SPG11: variants seen among roughly 807,000 people sequenced by gnomAD.
SPG11 encodes the protein spatacsin.
SPG11 carries 222 observed loss-of-function variants against 274.0 expected under a neutral mutation model. The observed-to-expected ratio is 0.81, with a 90% CI of 0.73 to 0.91. The LOEUF (loss-of-function observed/expected upper bound fraction) is 0.91. SPG11 is among the 40% of genes least tolerant of loss of function. The pLI, the probability that SPG11 is intolerant of heterozygous loss-of-function variation, is 0.00. For missense variants in SPG11, 3,114 were observed against 2,872.7 expected (o/e 1.08, Z -1.92); for synonymous variants, 1,144 against 1,039.7 (o/e 1.10, Z -1.93).
At chr15:44,646,575 A>C (rs1490772669) in intron 7 of SPG11, among the ~76,000 whole-genome samples, 2 of 152,148 alleles carry the variant, frequency 1.3e-5, no homozygotes, top group Admixed American at 1.3e-4. Flanking sequence ...TTGGGTGGGG[A>C]CACAGAGCCA....
At chr15:44,595,649 T>C (rs1262627035) in intron 25 of SPG11, among the ~76,000 whole-genome samples, 190 bp from the exon 26 acceptor site, 2 of 152,204 alleles carry the variant, frequency 1.3e-5, no homozygotes, top group African/African-American at 4.8e-5. Context: ...TGCAGAGTGT[T>C]GCAGGTCACA....
intron 27 of SPG11, 121 bp downstream of exon 27, chr15:44,592,210 G>A (rs371409510): frequency 1.4e-6 from 1 of 704,654 alleles, no homozygotes. Context: ...AGTGAGCTGT[G>A]ATCGTAACAC....
At position 44,608,605 on chromosome 15, in the gene SPG11, C is replaced by G. The variant is rs751092147; in HGVS notation, c.3292G>C (p.Val1098Leu). The change falls in exon 19 of 40, where the codon GTT becomes CTT. Residue 1098 changes from valine to leucine, a missense_variant and splice_region_variant. Coordinates refer to ENST00000261866, the MANE Select transcript of SPG11 (RefSeq NM_025137.4). ...TTTTCATTTTCTTCATTCTGAACAACCTAAGTAAAAAAACAGATAACAGGT... is the reference window on the plus strand; with the variant it reads ...TTTTCATTTTCTTCATTCTGAACAAGCTAAGTAAAAAAACAGATAACAGGT... Reference protein sequence around the residue: ...TMYSPGGVSQVVQNEENENCL... With the variant: ...TMYSPGGVSQLVQNEENENCL... 6.2e-7 allele frequency: 1 copy of G among 1,613,598 alleles called. No homozygotes were observed.
chr15:44,612,136 G>A (rs1357059466), intron 17 of SPG11, among the ~76,000 whole-genome samples: 1 of 152,098 alleles, frequency 6.6e-6, no homozygotes, highest in Non-Finnish European at 1.5e-5. Context: ...TTAAGAATGT[G>A]GGAAAATTCT....
intron 7 of SPG11, among the ~76,000 whole-genome samples, chr15:44,638,937 A>G (rs992362071): frequency 2.0e-5 from 3 of 151,838 alleles, no homozygotes; most frequent in Non-Finnish European, 4.4e-5. Context: ...TGGAGGTTTC[A>G]GTGAGCCAAG....
At chr15:44,621,527 C>T (rs772029785) in intron 14 of SPG11, 7 of 485,356 alleles carry the variant, frequency 1.4e-5, no homozygotes, top group Middle Eastern at 5.9e-4. Flanking sequence ...AATGAAAACT[C>T]AGCCTTGAAA....
chr15:44,591,078 A>G (rs1411078819), intron 27 of SPG11: 1 of 152,204 alleles, frequency 6.6e-6, no homozygotes, highest in African/African-American at 2.4e-5. Context: ...CCTATGCCCT[A>G]TGTGGTCCTC....
chr15:44,619,570 G>T (rs930917304), intron 15 of SPG11, among the ~76,000 whole-genome samples: 3 of 152,094 alleles, frequency 2.0e-5, no homozygotes, highest in Non-Finnish European at 4.4e-5. Flanking sequence ...AGGATACTAA[G>T]GTATCTCCAT....
rs567604763 is a variant in SPG11, at chr15:44,622,553, T to C, written c.2316+175A>G. 54 of 741,296 alleles carry C rather than the reference T, an allele frequency of 7.3e-5. No homozygotes were observed. In the South Asian group the frequency reaches 9.5e-4, roughly 13 times the overall value. The allele number at this position is 741,296 out of a possible 1,614,324, so 45.9% of individuals were successfully genotyped here. Reference sequence around the variant, plus strand: ...ATTTTCTTTTGCCACAAATGTAAAATAGTCATTGAAGAAAGATGAAGGGGA... The same window carrying C: ...ATTTTCTTTTGCCACAAATGTAAAACAGTCATTGAAGAAAGATGAAGGGGA... On this transcript the variant is annotated intron_variant, in intron 12 of 39. Transcript: ENST00000261866.
intron 18 of SPG11, 21 bp from the exon 19 acceptor site, chr15:44,608,626 C>T (rs753190935): frequency 6.2e-7 from 1 of 1,610,966 alleles, no homozygotes; most frequent in Admixed American, 1.7e-5. Flanking sequence ...AAACAGATAA[C>T]AGGTTGGACA....
At chr15:44,575,206 T>C (rs2082509687) in intron 30 of SPG11, 165 bp from the exon 31 acceptor site, 4 of 777,334 alleles carry the variant, frequency 5.1e-6, no homozygotes, top group African/African-American at 3.5e-5. Flanking sequence ...ACTTCTTTCA[T>C]TGCCCTCTTC....
rs778989117 is a variant in SPG11 at position 44,596,172 on chromosome 15, A to T, written c.4345T>A (p.Ser1449Thr). The T allele has an allele frequency of 2.5e-6, 4 of 1,614,034 alleles. No individual in the cohort carries two copies. Residue 1449 changes from serine (S) to threonine (T), a missense_variant, in exon 25 of 40, where the codon TCA becomes ACA. By Grantham distance (58) the Ser-to-Thr change is moderately conservative (BLOSUM62 1). Coordinates refer to ENST00000261866, the MANE Select transcript of SPG11 (RefSeq NM_025137.4). ...TDLFEILLQC[S>T]EEPDSWHWLL... ...CAGTGCCAGGAGTCTGGCTCCTCTG[A>T]GCATTGGAGCAGAATTTCAAATAAA...
In SPG11 at chr15:44,613,493, G is replaced by A; in HGVS notation, c.3082C>T (p.His1028Tyr). The change falls in exon 17 of 40, where the codon CAT becomes TAT. Residue 1028 changes from histidine (H) to tyrosine (Y), a missense_variant. Physicochemically the swap from His to Tyr is moderately conservative, Grantham distance 83. Coordinates refer to ENST00000261866, the MANE Select transcript of SPG11 (RefSeq NM_025137.4). ...NCPFLEKKEL[H>Y]EAHPWFEFLV... ...AATTCAAACCAAGGGTGTGCTTCAT[G>A]TAACTCTTTTTTTTCCAAAAAGGGA... 1 of 1,613,868 alleles carries A rather than the reference G, an allele frequency of 6.2e-7. No individual in the cohort carries two copies. The highest frequency in any genetic ancestry group is 1.1e-5 in the South Asian group (1 of 91,078).
At chr15:44,608,382 T>C in intron 19 of SPG11, 62 bp downstream of exon 19, 2 of 1,542,592 alleles carry the variant, frequency 1.3e-6, no homozygotes, top group Non-Finnish European at 1.8e-6. Flanking sequence ...AGATCTAGAG[T>C]GATTTCTGTT....
At chr15:44,630,779 C>T (rs751150718) in intron 8 of SPG11, among the ~76,000 whole-genome samples, 7 of 152,078 alleles carry the variant, frequency 4.6e-5, no homozygotes, top group Non-Finnish European at 7.4e-5. Flanking sequence ...GGGGTTTCAC[C>T]ACGTTGGTCA....
intron 8 of SPG11, among the ~76,000 whole-genome samples, chr15:44,632,729 A>G (rs2141053974): frequency 6.6e-6 from 1 of 152,090 alleles, no homozygotes; most frequent in South Asian, 2.1e-4. Context: ...GACTGGTCTC[A>G]AACTCCTAGA....
chr15:44,571,616 G>A (rs2082427660), intron 33 of SPG11, among the ~76,000 whole-genome samples: 1 of 149,636 alleles, frequency 6.7e-6, no homozygotes, highest in South Asian at 2.1e-4. Flanking sequence ...TCCTGCTTCA[G>A]CCTCCCGAGT....
At chr15:44,587,765 T>C (rs1049306431) in intron 28 of SPG11, among the ~76,000 whole-genome samples, 13 of 137,698 alleles carry the variant, frequency 9.4e-5, no homozygotes, top group Admixed American at 1.5e-4. Flanking sequence ...TACGCACACA[T>C]AGTAACACAA....
rs369058599 is a variant in SPG11 at position 44,596,176 on chromosome 15, T to C, written c.4341A>G (p.Gln1447=). The change falls in exon 25 of 40, where the codon CAA becomes CAG. Residue 1447 remains glutamine, a synonymous_variant. Coordinates refer to ENST00000261866, the MANE Select transcript of SPG11 (RefSeq NM_025137.4). ...GCCAGGAGTCTGGCTCCTCTGAGCA[T>C]TGGAGCAGAATTTCAAATAAATCGG... The part of the protein sequence containing the change: ...EMTDLFEILL[Q]CSEEPDSWHW... 10 of 1,614,174 alleles carry C rather than the reference T, an allele frequency of 6.2e-6. 1 individual carries two copies. The highest frequency in any genetic ancestry group is 3.3e-5 in the Admixed American group (2 of 60,026).
Sources: allele counts gnomAD v4.1 joint callset (sites outside exome capture counted in the v4.1 genomes callset), GRCh38; gene constraint gnomAD v4.1.1; transcripts MANE v1.5; gene names NCBI Gene and HGNC (gene_info 2026-07-23, HGNC 2026-07-21).